Variants in RGS6 observed in about 807,000 individuals in gnomAD.
The protein encoded by RGS6 is regulator of G-protein signaling 6.
Under a neutral mutation model 78.5 loss-of-function variants are expected in RGS6, and 30 were observed. The ratio of observed to expected loss-of-function variants is 0.38; its 90% confidence interval spans 0.29 to 0.52. RGS6 has a LOEUF of 0.52. Ranked by LOEUF, RGS6 falls within the 20% of genes least tolerant of loss-of-function variation. The pLI, the probability that RGS6 is intolerant of heterozygous loss-of-function variation, is 0.85. For missense variants in RGS6, 495 were observed against 609.7 expected, an observed-to-expected ratio of 0.81 and a Z score of 1.98; for synonymous variants, 206 against 206.0, an observed-to-expected ratio of 1.00 and a Z score of 0.00.
At chr14:72,414,080 G>A (rs1030505286) in intron 3 of RGS6, among the ~76,000 whole-genome samples, 31 of 152,112 alleles carry the variant, frequency 2.0e-4, no homozygotes, top group Non-Finnish European at 4.0e-4. Context: ...TATCTTTGTG[G>A]CGTTCTCTGT....
intron 15 of RGS6, among the ~76,000 whole-genome samples, chr14:72,534,313 C>T (rs1175587648): frequency 6.6e-6 from 1 of 152,192 alleles, no homozygotes; most frequent in Non-Finnish European, 1.5e-5. Context: ...ACATCATTGA[C>T]TACATATAGT....
chr14:72,365,664 A>G (rs769373526), intron 3 of RGS6, among the ~76,000 whole-genome samples: 18 of 152,262 alleles, frequency 1.2e-4, no homozygotes, highest in Non-Finnish European at 4.4e-5. Context: ...TTCTCATCAA[A>G]TGTTTCTCTT....
the RGS6 span, among the ~76,000 whole-genome samples, chr14:72,602,474 C>T: frequency 2.0e-5 from 3 of 152,204 alleles, no homozygotes; most frequent in East Asian, 1.9e-4. Flanking sequence ...GTAGCATGGC[C>T]GCCACAGGTC....
intron 2 of RGS6, among the ~76,000 whole-genome samples, chr14:72,034,992 C>G (rs139286216): frequency 3.3e-5 from 5 of 152,176 alleles, no homozygotes; most frequent in African/African-American, 1.2e-4. Context: ...ATGATAAAAT[C>G]TCCCACTGTC....
intron 2 of RGS6, among the ~76,000 whole-genome samples, chr14:72,016,584 C>T (rs1339319354): frequency 2.0e-5 from 3 of 152,136 alleles, no homozygotes; most frequent in African/African-American, 7.2e-5. Flanking sequence ...CCAGGATTGT[C>T]TCAATCTCCT....
At chr14:71,992,801 C>T (rs149705037) in intron 2 of RGS6, among the ~76,000 whole-genome samples, 41 of 152,336 alleles carry the variant, frequency 2.7e-4, no homozygotes, top group Non-Finnish European at 5.3e-4. Flanking sequence ...TGTGTTTCTA[C>T]ACCCTTGTCT....
intron 2 of RGS6, among the ~76,000 whole-genome samples, chr14:72,289,400 G>A (rs766322864): frequency 6.6e-6 from 1 of 151,520 alleles, no homozygotes; most frequent in Non-Finnish European, 1.5e-5. Context: ...CTTATTGTCA[G>A]GATGAGCCCC....
At chr14:72,116,963 C>CA (rs56397216) in intron 2 of RGS6, among the ~76,000 whole-genome samples, 6,549 of 78,018 alleles carry the variant, frequency 0.084, 392 homozygotes, top group Non-Finnish European at 0.12. Flanking sequence ...GACTCCATCT[C>CA]AAAAAAAAAA....
intron 2 of RGS6, among the ~76,000 whole-genome samples, chr14:72,313,612 T>A (rs1343554340): frequency 6.6e-6 from 1 of 152,048 alleles, no homozygotes; most frequent in Non-Finnish European, 1.5e-5. Context: ...AGCCAAGTGA[T>A]TAAGAGAAGC....
At chr14:72,207,331 T>A (rs1348022773) in intron 2 of RGS6, among the ~76,000 whole-genome samples, 1 of 152,218 alleles carries the variant, frequency 6.6e-6, no homozygotes, top group Non-Finnish European at 1.5e-5. Flanking sequence ...ATGACTTCAA[T>A]GTTATGGTTT....
intron 2 of RGS6, among the ~76,000 whole-genome samples, chr14:71,987,829 T>TA (rs1346405604): frequency 1.3e-5 from 2 of 152,040 alleles, no homozygotes; most frequent in Non-Finnish European, 2.9e-5. Context: ...AACTATATTT[T>TA]AAAAAAATAT....
At chr14:72,165,887 A>G (rs981910414) in intron 2 of RGS6, among the ~76,000 whole-genome samples, 11 of 152,312 alleles carry the variant, frequency 7.2e-5, no homozygotes, top group Admixed American at 7.2e-4. Flanking sequence ...GCTGTGTTAA[A>G]TATAACAATG....
chr14:72,547,108 C>A, intron 17 of RGS6: 3 of 1,480,524 alleles, frequency 2.0e-6, no homozygotes, highest in Non-Finnish European at 2.7e-6. Context: ...GCAGGATAAA[C>A]AGCGGGAAGG....
chr14:72,146,254 G>A (rs781252488), intron 2 of RGS6, among the ~76,000 whole-genome samples: 1 of 152,102 alleles, frequency 6.6e-6, no homozygotes. Flanking sequence ...CCACCTCTAA[G>A]TTCTACCTCT....
chr14:72,285,232 C>T (rs146341156), intron 2 of RGS6, among the ~76,000 whole-genome samples: 3,776 of 151,948 alleles, frequency 0.025, 153 homozygotes, highest in African/African-American at 0.085. Flanking sequence ...TGGGAGGGGC[C>T]GGGGGCAGAA....
At chr14:72,280,485 AGTG>A (rs576119480) in intron 2 of RGS6, among the ~76,000 whole-genome samples, 73 of 152,312 alleles carry the variant, frequency 4.8e-4, no homozygotes, top group Non-Finnish European at 9.0e-4. Flanking sequence ...TCACATATGA[AGTG>A]GTGATGACAT....
intron 2 of RGS6, among the ~76,000 whole-genome samples, chr14:72,026,313 A>G (rs2089841913): frequency 6.6e-6 from 1 of 152,162 alleles, no homozygotes. Context: ...AGGCTGAGGC[A>G]GAAGAATCGC....
At chr14:72,133,714 A>G (rs932182590) in intron 2 of RGS6, among the ~76,000 whole-genome samples, 11 of 152,092 alleles carry the variant, frequency 7.2e-5, no homozygotes, top group African/African-American at 2.7e-4. Flanking sequence ...CTCCACTGTC[A>G]GGTAAGTCTC....
chr14:72,262,122 G>C lies in RGS6; in HGVS notation c.85-89973G>C, dbSNP rs144118280. 2.0e-5 allele frequency among the ~76,000 whole-genome samples: 3 copies of C among 151,924 alleles called. No individual in the cohort carries two copies. In the East Asian group the frequency reaches 5.8e-4, roughly 30 times the overall value. On this transcript the variant is annotated intron_variant, in intron 2 of 17. Coordinates refer to ENST00000553525, the MANE Select transcript of RGS6 (RefSeq NM_001204424.2). ...AAGGCAGCCTCTAGTTTCCTATTCA[G>C]CCTCATCATAGCTGTTCCTTTTGGA...
Sources: allele counts gnomAD v4.1 joint callset (sites outside exome capture counted in the v4.1 genomes callset), GRCh38; gene constraint gnomAD v4.1.1; transcripts MANE v1.5; gene names NCBI Gene and HGNC (gene_info 2026-07-23, HGNC 2026-07-21).